BMPR2: variants seen among roughly 807,000 people sequenced by gnomAD.
BMPR2 encodes bone morphogenetic protein receptor type-2.
In BMPR2, 29 loss-of-function variants were observed where a neutral mutation model predicts 100.8. That is an observed-to-expected ratio of 0.29 (90% confidence interval 0.21 to 0.39). The LOEUF is 0.39. Ranked by LOEUF, BMPR2 falls within the 10% of genes least tolerant of loss-of-function variation. The pLI, the probability that BMPR2 is intolerant of heterozygous loss-of-function variation, is 1.00. For missense variants in BMPR2, 1,011 were observed against 1,274.5 expected, an observed-to-expected ratio of 0.79 and a Z score of 3.15; for synonymous variants, 382 against 442.3, an observed-to-expected ratio of 0.86 and a Z score of 1.71.
chr2:202,514,126 ATTTATTTTAT>A (rs758179887), intron 4 of BMPR2, among the ~76,000 whole-genome samples: 3 of 151,714 alleles, frequency 2.0e-5, no homozygotes, highest in Non-Finnish European at 2.9e-5. Context: ...TTTTTTTAAA[ATTTATTTTAT>A]TTTATTTTAT....
Position 202,377,184 on chromosome 2 carries a change from C to T in BMPR2, c.-291C>T. The T allele has an allele frequency of 1.7e-6, 1 of 592,966 alleles. No homozygotes were observed. The allele number at this position is 592,966 out of a possible 1,614,324, so 36.7% of individuals were successfully genotyped here. A position where few individuals can be genotyped will look rare whatever the true frequency, so the allele number is the denominator to read the frequency against. On this transcript the variant is annotated 5_prime_UTR_variant, in exon 1 of 13. Transcript: ENST00000374580. Reference sequence around the variant, plus strand: ...AGGGAAATAATTTGGGGGATTTCTTCTTGGCTCCCTGCTTTCCCCACAGAC... The same window carrying T: ...AGGGAAATAATTTGGGGGATTTCTTTTTGGCTCCCTGCTTTCCCCACAGAC...
intron 3 of BMPR2, among the ~76,000 whole-genome samples, chr2:202,510,840 C>T (rs1687608137): frequency 6.6e-6 from 1 of 151,934 alleles, no homozygotes; most frequent in South Asian, 2.1e-4. Context: ...GCCACCATGC[C>T]CAGCTAATTT....
chr2:202,386,686 T>C (rs2105899472), intron 1 of BMPR2, among the ~76,000 whole-genome samples: 1 of 146,788 alleles, frequency 6.8e-6, no homozygotes, highest in East Asian at 2.0e-4. Flanking sequence ...TTTCTTTTCT[T>C]TTTTTTTTTT....
intron 1 of BMPR2, among the ~76,000 whole-genome samples, chr2:202,459,486 C>T (rs1475759795): frequency 6.6e-6 from 1 of 152,136 alleles, no homozygotes; most frequent in Non-Finnish European, 1.5e-5. Context: ...CCTCTCCCTC[C>T]TCCCACCCTC....
At chr2:202,529,777 C>G (rs1687983862) in intron 7 of BMPR2, among the ~76,000 whole-genome samples, 1 of 152,162 alleles carries the variant, frequency 6.6e-6, no homozygotes, top group Non-Finnish European at 1.5e-5. Flanking sequence ...CATTTGAATG[C>G]TCATTAATGA....
rs370382371 is a variant in BMPR2, at chr2:202,377,467, G to T, written c.-8G>T. The T allele has an allele frequency of 1.9e-6, 3 of 1,614,044 alleles. No individual in the cohort carries two copies. In the African/African-American group the frequency reaches 4.0e-5, roughly 22 times the overall value. On this transcript the variant is annotated 5_prime_UTR_variant, in exon 1 of 13. Transcript: ENST00000374580. ...TCTTTGCCCTCCTGATTCTTGGCTGGCCCAGGGATGACTTCCTCGCTGCAG... is the reference window on the plus strand; with the variant it reads ...TCTTTGCCCTCCTGATTCTTGGCTGTCCCAGGGATGACTTCCTCGCTGCAG...
chr2:202,457,125 TCTACCTAC>T (rs141532724), intron 1 of BMPR2, among the ~76,000 whole-genome samples: 1 of 152,090 alleles, frequency 6.6e-6, no homozygotes, highest in Admixed American at 6.6e-5. Context: ...TTATTATCTA[TCTACCTAC>T]CTACCTACCT....
intron 3 of BMPR2, among the ~76,000 whole-genome samples, chr2:202,508,129 G>A (rs1317958127): frequency 6.7e-6 from 1 of 150,056 alleles, no homozygotes; most frequent in Non-Finnish European, 1.5e-5. Context: ...GTCTCAGTCT[G>A]TCACCCAGGC....
At chr2:202,481,905 C>G (rs1454537707) in intron 3 of BMPR2, among the ~76,000 whole-genome samples, 2 of 152,104 alleles carry the variant, frequency 1.3e-5, no homozygotes, top group South Asian at 4.1e-4. Flanking sequence ...CAGTATAGTT[C>G]CTATTGTCGT....
intron 1 of BMPR2, among the ~76,000 whole-genome samples, chr2:202,459,970 A>G (rs929944406): frequency 3.3e-5 from 5 of 152,218 alleles, no homozygotes; most frequent in Non-Finnish European, 7.3e-5. Context: ...TAGTTTTCAA[A>G]AGAAGACATG....
At chr2:202,421,124 G>A (rs938408679) in intron 1 of BMPR2, among the ~76,000 whole-genome samples, 1 of 151,656 alleles carries the variant, frequency 6.6e-6, no homozygotes, top group Non-Finnish European at 1.5e-5. Context: ...GGTGGCACAC[G>A]ACTATAATCC....
At chr2:202,391,331 C>G (rs775895636) in intron 1 of BMPR2, among the ~76,000 whole-genome samples, 1 of 151,408 alleles carries the variant, frequency 6.6e-6, no homozygotes, top group Non-Finnish European at 1.5e-5. Flanking sequence ...TAAAATAGGG[C>G]CTTGCTCTGC....
chr2:202,523,098 T>C (rs922609220), intron 7 of BMPR2, among the ~76,000 whole-genome samples: 1 of 152,042 alleles, frequency 6.6e-6, no homozygotes, highest in Non-Finnish European at 1.5e-5. Context: ...TCCCAAAAGA[T>C]GACATACAAG....
At chr2:202,463,298 G>A (rs1248413294) in intron 1 of BMPR2, among the ~76,000 whole-genome samples, 2 of 152,084 alleles carry the variant, frequency 1.3e-5, no homozygotes, top group Admixed American at 6.6e-5. Context: ...CAGATTGATC[G>A]GCTGACACTA....
At chr2:202,385,159 A>G (rs2105898385) in intron 1 of BMPR2, among the ~76,000 whole-genome samples, 1 of 152,064 alleles carries the variant, frequency 6.6e-6, no homozygotes, top group Admixed American at 6.6e-5. Flanking sequence ...ATTATTATTA[A>G]TCTGTGTTCA....
At chr2:202,396,891 G>A (rs1574426639) in intron 1 of BMPR2, among the ~76,000 whole-genome samples, 3 of 152,052 alleles carry the variant, frequency 2.0e-5, no homozygotes, top group East Asian at 1.9e-4. Context: ...TCTGCCTCCC[G>A]GGTTCAAGCA....
At position 202,390,980 on chromosome 2, in the gene BMPR2, CTTTTTTTTTTTT is replaced by C. The variant is rs11459505; in HGVS notation, c.76+13446_76+13457del. Among the ~76,000 whole-genome samples the C allele has an allele frequency of 4.4e-4, 23 of 51,932 alleles. 1 individual carries two copies. The East Asian group carries it at 5.9e-3, about 13-fold the overall frequency. The allele number at this position is 51,932 out of a possible 152,430, so 34.1% of individuals were successfully genotyped here. On this transcript the variant is annotated intron_variant, in intron 1 of 12. Coordinates refer to ENST00000374580, the MANE Select transcript of BMPR2 (RefSeq NM_001204.7). The stretch of plus-strand genomic sequence containing the variant: ...ACCAAAAATGCTTTTAGTAAGTAGT[CTTTTTTTTTTTT>C]TTTTTTTTTTTTTTTGGGAGATGGA...
chr2:202,465,110 G>GCA, intron 2 of BMPR2, 131 bp downstream of exon 2: 1 of 1,182,994 alleles, frequency 8.5e-7, no homozygotes, highest in Non-Finnish European at 1.2e-6. Flanking sequence ...ATAAAGCCAG[G>GCA]TGTGGTGGCT....
chr2:202,388,779 T>G (rs552841016), intron 1 of BMPR2, among the ~76,000 whole-genome samples: 1 of 148,502 alleles, frequency 6.7e-6, no homozygotes, highest in Non-Finnish European at 1.5e-5. Context: ...CACAGTGAGA[T>G]TCAGTCTCAA....
Sources: gnomAD v4.1 joint callset for allele counts (sites outside exome capture counted in the v4.1 genomes callset) on GRCh38, gnomAD v4.1.1 for gene constraint, MANE v1.5 for transcripts, NCBI Gene and HGNC (gene_info 2026-07-23, HGNC 2026-07-21) for gene names.